USP6NL: variants seen among roughly 807,000 people sequenced by gnomAD.
The protein encoded by USP6NL is USP6 N-terminal like, also known as USP6 N-terminal-like protein.
USP6NL carries 26 observed loss-of-function variants against 61.9 expected under a neutral mutation model. The ratio of observed to expected loss-of-function variants is 0.42; its 90% CI spans 0.31 to 0.58. The LOEUF (loss-of-function observed/expected upper bound fraction) is 0.58. Among genes scored for constraint, USP6NL ranks in the 20% least tolerant of loss-of-function variants. USP6NL has a pLI of 0.16. For missense variants in USP6NL, 1,114 were observed against 1,034.3 expected, an observed-to-expected ratio of 1.08 and a Z score of -1.06; for synonymous variants, 432 against 390.1, an observed-to-expected ratio of 1.11 and a Z score of -1.27.
At chr10:11,538,241 C>CT (rs967618706) in intron 2 of USP6NL, among the ~76,000 whole-genome samples, 40 of 151,288 alleles carry the variant, frequency 2.6e-4, no homozygotes, top group Admixed American at 1.1e-3. Flanking sequence ...ACAGAGAAGC[C>CT]TTTTTTTTTC....
intron 2 of USP6NL, among the ~76,000 whole-genome samples, chr10:11,541,876 T>G (rs915878327): frequency 6.6e-6 from 1 of 152,174 alleles, no homozygotes; most frequent in Non-Finnish European, 1.5e-5. Flanking sequence ...ACACTATAAG[T>G]TAGAAAAAAA....
chr10:11,463,179 A>AG lies in USP6NL; in HGVS notation c.1748dup (p.Pro584SerfsTer2). On this transcript the variant is annotated frameshift_variant, in exon 15 of 15. Coordinates refer to ENST00000609104, the MANE Select transcript of USP6NL (RefSeq NM_014688.5). LOFTEE classifies it low-confidence loss of function (END_TRUNC). This position sits in a 1 kb window ranked among gnomAD's most constrained non-coding sequence, Gnocchi z 6.3. ...GCTCAGCGTGCTTTCTCGGGCTAGG[A>AG]GGGTAAAGGGCATGCCGGGGGCTCT... 6.2e-7 allele frequency: 1 copy of AG among 1,613,680 alleles called. No individual in the cohort carries two copies. Among genetic ancestry groups the AG allele is most frequent in the Non-Finnish European group, 8.5e-7 (1 of 1,179,858 alleles).
At position 11,597,192 on chromosome 10, in the gene USP6NL, T is replaced by C. The variant is rs1038261226; in HGVS notation, c.4+439A>G. ...TTAAGCCCAGGATAGCCTTGGTTCT[T>C]TGTTCTATCAGAGACATTGATAGAT... On this transcript the variant is annotated intron_variant, in intron 2 of 14. Transcript: ENST00000609104. The surrounding 1 kb of genome is among the most constrained non-coding windows in gnomAD (Gnocchi z 4.6). Among the ~76,000 whole-genome samples, 2 of 152,228 alleles carry C rather than the reference T, an allele frequency of 1.3e-5. No homozygotes were observed. Among genetic ancestry groups the C allele is most frequent in the African/African-American group, 4.8e-5 (2 of 41,460 alleles).
chr10:11,462,458 C>T lies in USP6NL; in HGVS notation c.2470G>A (p.Glu824Lys). Residue 824 changes from glutamate (E) to lysine (K), a missense_variant, in exon 15 of 15, where the codon GAG (glutamate) becomes AAG (lysine). Transcript: ENST00000609104. ...GTCAAATCTCACAGCAACACTGACTCTTGGATGGAAAGCCCGTCCCGATTC... is the reference window on the plus strand; with the variant it reads ...GTCAAATCTCACAGCAACACTGACTTTTGGATGGAAAGCCCGTCCCGATTC... The part of the protein sequence containing the change: ...YRNRDGLSIQ[E>K]SVLL The T allele has an allele frequency of 6.2e-7, 1 of 1,613,558 alleles. No individual in the cohort carries two copies. Among genetic ancestry groups the T allele is most frequent in the Non-Finnish European group, 8.5e-7 (1 of 1,179,808 alleles).
chr10:11,484,931 A>C (rs765689456), intron 13 of USP6NL, 40 bp downstream of exon 13: 2 of 1,447,228 alleles, frequency 1.4e-6, no homozygotes, highest in African/African-American at 2.9e-5. Flanking sequence ...AATAAGCCTC[A>C]ATTTTTAATG....
chr10:11,531,669 A>AG (rs1835666576), intron 2 of USP6NL, among the ~76,000 whole-genome samples: 1 of 107,734 alleles, frequency 9.3e-6, no homozygotes, highest in African/African-American at 2.8e-5. Context: ...ATGTTTGTTT[A>AG]AAAAAAAAAA....
At position 11,478,909 on chromosome 10, in the gene USP6NL, T is replaced by G. The variant is rs1196198583; in HGVS notation, c.1078+2861A>C. Among the ~76,000 whole-genome samples, 1 of 135,692 alleles carries G rather than the reference T, an allele frequency of 7.4e-6. No homozygotes were observed. Among genetic ancestry groups the G allele is most frequent in the Non-Finnish European group, 1.7e-5 (1 of 58,398 alleles). The allele number at this position is 135,692 out of a possible 152,430, so 89.0% of individuals were successfully genotyped here. A position where few individuals can be genotyped will look rare whatever the true frequency, so the allele number is the denominator to read the frequency against. ...CAACAGAGTGAGACCCTGTCTCATG[T>G]TTAAAAAGTGTAACTGGAAAAGCAG... On this transcript the variant is annotated intron_variant, in intron 14 of 14. Coordinates refer to ENST00000609104, the MANE Select transcript of USP6NL (RefSeq NM_014688.5). This position sits in a 1 kb window ranked among gnomAD's most constrained non-coding sequence, Gnocchi z 6.8.
At chr10:11,530,291 A>C (rs146275557) in intron 2 of USP6NL, among the ~76,000 whole-genome samples, 1,593 of 152,286 alleles carry the variant, frequency 0.01, 31 homozygotes, top group African/African-American at 0.034. Context: ...AGTCCTAGGC[A>C]TCACAAGTAT....
rs578005146 is a variant in USP6NL, at chr10:11,596,016, G to T, written c.4+1615C>A. ...ATTCCTCCCCTCTGCCTTCATCCTC[G>T]CAAGACTTTGATCTTTGTTTTCTAG... On this transcript the variant is annotated intron_variant, in intron 2 of 14. Transcript: ENST00000609104. The surrounding 1 kb of genome is among the most constrained non-coding windows in gnomAD (Gnocchi z 4.1). Among the ~76,000 whole-genome samples, 1 of 152,032 alleles carries T rather than the reference G, an allele frequency of 6.6e-6. No homozygotes were observed. Among genetic ancestry groups the T allele is most frequent in the Admixed American group, 6.6e-5 (1 of 15,254 alleles).
Position 11,485,114 on chromosome 10 carries a change from TCCCCTC to T in USP6NL, c.825+49_826-45del, listed in dbSNP as rs1372552852. On this transcript the variant is annotated intron_variant, in intron 12 of 14. Coordinates refer to ENST00000609104, the MANE Select transcript of USP6NL (RefSeq NM_014688.5). The surrounding 1 kb of genome is among the most constrained non-coding windows in gnomAD (Gnocchi z 4.8). ...CAAAACAAAAATAGGGTTAACAGCTTCCCCTCACCTTGTATTTATAATTTTATGACT... is the reference window on the plus strand; with the variant it reads ...CAAAACAAAAATAGGGTTAACAGCTTACCTTGTATTTATAATTTTATGACT... 6.5e-7 allele frequency: 1 copy of T among 1,536,778 alleles called. No homozygotes were observed. The highest frequency in any genetic ancestry group is 8.8e-7 in the Non-Finnish European group (1 of 1,140,814).
intron 2 of USP6NL, among the ~76,000 whole-genome samples, chr10:11,559,038 C>T (rs979406251): frequency 1.3e-5 from 2 of 152,152 alleles, no homozygotes; most frequent in Admixed American, 6.6e-5. Flanking sequence ...CATGACAGTA[C>T]AATTTTCAAA....
rs1273237812 is a variant in USP6NL, at chr10:11,541,257, A to G, written c.5-13690T>C. Among the ~76,000 whole-genome samples, 3 of 129,008 alleles carry G rather than the reference A, an allele frequency of 2.3e-5. 1 individual carries two copies. The South Asian group carries it at 7.4e-4, about 32-fold the overall frequency. The allele number at this position is 129,008 out of a possible 152,430, so 84.6% of individuals were successfully genotyped here. A position where few individuals can be genotyped will look rare whatever the true frequency, so the allele number is the denominator to read the frequency against. Reference sequence around the variant, plus strand: ...TATATATATATATATATATATATATATATATATATATATATATATGTATGT... The same window carrying G: ...TATATATATATATATATATATATATGTATATATATATATATATATGTATGT... On this transcript the variant is annotated intron_variant, in intron 2 of 14. Coordinates refer to ENST00000609104, the MANE Select transcript of USP6NL (RefSeq NM_014688.5).
In USP6NL at chr10:11,489,155, T is replaced by A. The variant is rs1213403778; in HGVS notation, c.611A>T (p.Asp204Val). ...ALLLMYMNEE[D>V]AFWALVKLFS... The stretch of plus-strand genomic sequence containing the variant: ...GAGTTTGACCAGGGCCCAGAAGGCA[T>A]CTTCCTCGTTCATATACATGAGGAG... The change falls in exon 10 of 15, where the codon GAT becomes GTT. Residue 204 changes from aspartate to valine, a missense_variant. Coordinates refer to ENST00000609104, the MANE Select transcript of USP6NL (RefSeq NM_014688.5). The surrounding 1 kb of genome is among the most constrained non-coding windows in gnomAD (Gnocchi z 5.7). 2 of 1,613,992 alleles carry A rather than the reference T, an allele frequency of 1.2e-6. No individual in the cohort carries two copies. Among genetic ancestry groups the A allele is most frequent in the Non-Finnish European group, 1.7e-6 (2 of 1,179,864 alleles).
rs1309755819 is a variant in USP6NL at position 11,596,784 on chromosome 10, T to C, written c.4+847A>G. On this transcript the variant is annotated intron_variant, in intron 2 of 14. Transcript: ENST00000609104. The surrounding 1 kb of genome is among the most constrained non-coding windows in gnomAD (Gnocchi z 4.1). ...TCTTAGTAGAAGCACTCCAATATTT[T>C]ACAACAGCAGCGTCATTTTCACTTA... 2.6e-5 allele frequency among the ~76,000 whole-genome samples: 4 copies of C among 152,322 alleles called. No individual in the cohort carries two copies. Among genetic ancestry groups the C allele is most frequent in the Non-Finnish European group, 5.9e-5 (4 of 68,032 alleles).
At chr10:11,551,172 T>G (rs1449619200) in intron 2 of USP6NL, among the ~76,000 whole-genome samples, 4 of 152,216 alleles carry the variant, frequency 2.6e-5, no homozygotes, top group African/African-American at 9.6e-5. Context: ...ATAAAAATTT[T>G]TATGTGAAAG....
In USP6NL at chr10:11,574,144, G is replaced by A. The variant is rs985672966; in HGVS notation, c.4+23487C>T. Among the ~76,000 whole-genome samples the A allele has an allele frequency of 6.6e-6, 1 of 152,132 alleles. No individual in the cohort carries two copies. On this transcript the variant is annotated intron_variant, in intron 2 of 14. Coordinates refer to ENST00000609104, the MANE Select transcript of USP6NL (RefSeq NM_014688.5). This position sits in a 1 kb window ranked among gnomAD's most constrained non-coding sequence, Gnocchi z 4.3. ...GTCAACCAAAATACCCTGCACTGTC[G>A]AAAGCCTTAATACTTTTTTCCAATT...
chr10:11,594,299 G>A (rs1300117324), intron 2 of USP6NL, among the ~76,000 whole-genome samples: 1 of 152,188 alleles, frequency 6.6e-6, no homozygotes, highest in Non-Finnish European at 1.5e-5. Flanking sequence ...AACTCAGTCT[G>A]ATTCAGAGGG....
chr10:11,521,701 A>C lies in USP6NL; in HGVS notation c.156-3127T>G, dbSNP rs547951117. Among the ~76,000 whole-genome samples, 7 of 151,968 alleles carry C rather than the reference A, an allele frequency of 4.6e-5. No homozygotes were observed. The East Asian group carries it at 9.7e-4, about 21-fold the overall frequency. ...GGCCAATGATACTCTTTAAAAACAA[A>C]CCCACCTTTATTCTGCATATCATAT... On this transcript the variant is annotated intron_variant, in intron 4 of 14. Transcript: ENST00000609104.
intron 7 of USP6NL, among the ~76,000 whole-genome samples, chr10:11,493,754 T>C (rs1348527998): frequency 6.6e-6 from 1 of 152,126 alleles, no homozygotes; most frequent in Non-Finnish European, 1.5e-5. Context: ...CTGCTGCTCC[T>C]GCCTGTGCGG....
Sources: allele counts gnomAD v4.1 joint callset (sites outside exome capture counted in the v4.1 genomes callset), GRCh38; gene constraint gnomAD v4.1.1; non-coding constraint Gnocchi (gnomAD v3.1); transcripts MANE v1.5; gene names NCBI Gene and HGNC (gene_info 2026-07-23, HGNC 2026-07-21).